Variants in TMEM117 observed in about 807,000 individuals in gnomAD.
TMEM117 encodes transmembrane protein 117.
In TMEM117, 27 loss-of-function variants were observed where a neutral mutation model predicts 52.4. That is an observed-to-expected ratio of 0.51 (90% CI 0.38 to 0.71). The LOEUF (loss-of-function observed/expected upper bound fraction) is 0.71, where lower values mean the gene tolerates loss of function less well. Among genes scored for constraint, TMEM117 ranks in the 30% least tolerant of loss-of-function variants. The pLI is 0.00. For missense variants in TMEM117, 556 were observed against 630.5 expected, an observed-to-expected ratio of 0.88 and a Z score of 1.26; for synonymous variants, 215 against 206.3, an observed-to-expected ratio of 1.04 and a Z score of -0.36.
intron 4 of TMEM117, among the ~76,000 whole-genome samples, chr12:44,188,748 C>A (rs1949311949): frequency 6.6e-6 from 1 of 152,098 alleles, no homozygotes; most frequent in Admixed American, 6.6e-5. Context: ...TCTTAGCAGG[C>A]TTAATTCTTT....
rs139401294 is a variant in TMEM117, at chr12:43,889,418, C to T, written c.277+44490C>T. ...AAAGGAGCACACAACCTAGATCCCT[C>T]GCATGTGCAGTTCACAATAGGGTTC... is the stretch of plus-strand genomic sequence containing the variant. On this transcript the variant is annotated intron_variant, in intron 2 of 7. Coordinates refer to ENST00000266534, the MANE Select transcript of TMEM117 (RefSeq NM_032256.3). Among the ~76,000 whole-genome samples, 708 of 152,244 alleles carry T rather than the reference C, an allele frequency of 4.7e-3. 4 individuals are homozygous for T. Among genetic ancestry groups the T allele is most frequent in the Non-Finnish European group, 8.8e-3 (598 of 68,022 alleles).
chr12:44,230,801 T>C (rs763443926), intron 5 of TMEM117, among the ~76,000 whole-genome samples: 20 of 152,154 alleles, frequency 1.3e-4, no homozygotes, highest in Non-Finnish European at 2.5e-4. Context: ...CAATTCTCTT[T>C]GACATTCTTT....
chr12:44,222,464 A>G (rs1482043168), intron 5 of TMEM117, among the ~76,000 whole-genome samples: 1 of 152,170 alleles, frequency 6.6e-6, no homozygotes, highest in African/African-American at 2.4e-5. Flanking sequence ...AAGACCTGCC[A>G]TCTCCCTTGG....
intron 2 of TMEM117, among the ~76,000 whole-genome samples, chr12:43,935,333 G>A (rs780612244): frequency 7.9e-5 from 12 of 152,054 alleles, no homozygotes; most frequent in African/African-American, 2.4e-4. Flanking sequence ...TAGTCTGACC[G>A]GAAGTGAATT....
chr12:44,380,078 T>C (rs1011080018), intron 7 of TMEM117, among the ~76,000 whole-genome samples: 1 of 152,240 alleles, frequency 6.6e-6, no homozygotes, highest in African/African-American at 2.4e-5. Context: ...CTTTGAGACA[T>C]GCTGCTGCTG....
chr12:43,855,591 A>G (rs369920966), intron 2 of TMEM117, among the ~76,000 whole-genome samples: 308 of 152,290 alleles, frequency 2.0e-3, no homozygotes, highest in Non-Finnish European at 3.0e-3. Flanking sequence ...CTATGTACCT[A>G]TGTCTGTTTT....
At chr12:44,384,042 A>G (rs1457287360) in intron 7 of TMEM117, among the ~76,000 whole-genome samples, 1 of 152,134 alleles carries the variant, frequency 6.6e-6, no homozygotes, top group East Asian at 1.9e-4. Context: ...CTTTATAGAC[A>G]AGAACACAGG....
At chr12:43,810,010 C>A in the TMEM117 span, among the ~76,000 whole-genome samples, 2 of 152,042 alleles carry the variant, frequency 1.3e-5, no homozygotes, top group African/African-American at 4.8e-5. Context: ...ATTATTTTCC[C>A]AAGTAAAATA....
At chr12:44,036,804 C>T (rs1271915832) in intron 3 of TMEM117, among the ~76,000 whole-genome samples, 1 of 152,104 alleles carries the variant, frequency 6.6e-6, no homozygotes, top group Non-Finnish European at 1.5e-5. Context: ...AATGATTATC[C>T]AGGTTGGTTG....
intron 6 of TMEM117, among the ~76,000 whole-genome samples, chr12:44,302,067 A>AAT (rs1950847589): frequency 1.3e-5 from 2 of 152,248 alleles, no homozygotes; most frequent in Middle Eastern, 6.8e-3. Flanking sequence ...TTATGCCTTT[A>AAT]ATATCATTCT....
chr12:43,825,782 A>G, the TMEM117 span, among the ~76,000 whole-genome samples: 1 of 152,200 alleles, frequency 6.6e-6, no homozygotes, highest in Non-Finnish European at 1.5e-5. Flanking sequence ...ATTCTGGTTT[A>G]GTAGGTAGGG....
intron 6 of TMEM117, among the ~76,000 whole-genome samples, chr12:44,311,813 G>A (rs867780643): frequency 1.2e-4 from 11 of 93,284 alleles, no homozygotes; most frequent in African/African-American, 4.4e-4. Context: ...ATGTATATAT[G>A]TATATATATG....
intron 5 of TMEM117, among the ~76,000 whole-genome samples, chr12:44,251,987 G>A (rs567351102): frequency 6.6e-5 from 10 of 151,838 alleles, no homozygotes; most frequent in Admixed American, 1.3e-4. Context: ...AAAAAATTGC[G>A]TACTTCTTAG....
chr12:44,061,112 G>C (rs901470352), intron 3 of TMEM117, among the ~76,000 whole-genome samples: 4 of 152,170 alleles, frequency 2.6e-5, no homozygotes, highest in Admixed American at 2.6e-4. Flanking sequence ...CAAATTTTAA[G>C]TGGCAATTGA....
chr12:44,226,461 C>T (rs1034344670), intron 5 of TMEM117, among the ~76,000 whole-genome samples: 4 of 151,854 alleles, frequency 2.6e-5, no homozygotes, highest in African/African-American at 9.7e-5. Context: ...GAGAGTTTAC[C>T]TCATTTATAT....
At chr12:44,262,460 C>A (rs1950331170) in intron 5 of TMEM117, among the ~76,000 whole-genome samples, 1 of 152,168 alleles carries the variant, frequency 6.6e-6, no homozygotes, top group Non-Finnish European at 1.5e-5. Flanking sequence ...CTTCCACAAA[C>A]CCACGTGTTT....
At chr12:43,971,626 T>C (rs1450795929) in intron 3 of TMEM117, among the ~76,000 whole-genome samples, 1 of 152,186 alleles carries the variant, frequency 6.6e-6, no homozygotes, top group African/African-American at 2.4e-5. Context: ...TCCTAACGCC[T>C]TAAGGTCAGG....
chr12:44,219,808 A>T lies in TMEM117; in HGVS notation c.608+8421A>T, dbSNP rs1210162174. Among the ~76,000 whole-genome samples, 5 of 152,174 alleles carry T rather than the reference A, an allele frequency of 3.3e-5. No individual in the cohort carries two copies. In the South Asian group the frequency reaches 1.0e-3, roughly 31 times the overall value. ...TGAGTTCATTGTTCCTGCCAAAAGC[A>T]TCTACTAGGGAGATAACATTCCAGC... On this transcript the variant is annotated intron_variant, in intron 5 of 7. Transcript: ENST00000266534.
chr12:44,230,483 G>A (rs1217711298), intron 5 of TMEM117, among the ~76,000 whole-genome samples: 14 of 151,720 alleles, frequency 9.2e-5, no homozygotes. Flanking sequence ...TCAGCTATTT[G>A]CTATCCTCCC....
Sources: gnomAD v4.1 joint callset for allele counts (sites outside exome capture counted in the v4.1 genomes callset) on GRCh38, gnomAD v4.1.1 for gene constraint, MANE v1.5 for transcripts, NCBI Gene and HGNC (gene_info 2026-07-23, HGNC 2026-07-21) for gene names.